The following FBLN1 variants were observed in gnomAD, a reference collection of about 807,000 sequenced individuals.
The protein encoded by FBLN1 is fibulin 1, also known as fibulin-1.
A neutral mutation model predicts 89.7 loss-of-function variants in FBLN1; 34 were observed. The ratio of observed to expected loss-of-function variants is 0.38; its 90% CI spans 0.29 to 0.50. FBLN1 has a LOEUF of 0.50. Among genes scored for constraint, FBLN1 ranks in the 20% least tolerant of loss-of-function variants. The probability of loss-of-function intolerance (pLI) is 0.92; values close to 1 mark genes in which losing one functional copy is unlikely to be tolerated. For synonymous variants in FBLN1, 393 were observed against 391.3 expected (o/e 1.00, Z -0.05); for missense variants, 777 against 988.1 (o/e 0.79, Z 2.86).
chr22:45,574,691 G>A lies in FBLN1; in HGVS notation c.1840+38G>A, dbSNP rs778718170. ...GGTGTGGGGGTCCCAGGGCCCCCTA[G>A]GGCCTCCCTCGGCTTCAGCTGAGGG... On this transcript the variant is annotated intron_variant, in intron 15 of 16. Coordinates refer to ENST00000327858, the MANE Select transcript of FBLN1 (RefSeq NM_006486.3). This position sits in a 1 kb window ranked among gnomAD's most constrained non-coding sequence, Gnocchi z 4.1. The A allele has an allele frequency of 6.2e-7, 1 of 1,601,088 alleles. No homozygotes were observed. Among genetic ancestry groups the A allele is most frequent in the Non-Finnish European group, 8.5e-7 (1 of 1,173,420 alleles).
chr22:45,554,250 A>G (rs1474731184), intron 14 of FBLN1, among the ~76,000 whole-genome samples: 1 of 152,206 alleles, frequency 6.6e-6, no homozygotes, highest in Non-Finnish European at 1.5e-5. Flanking sequence ...ACCCGGAAGC[A>G]CAGCTCATGG....
In FBLN1 at chr22:45,547,184, T is replaced by C. The variant is rs764463728; in HGVS notation, c.1421T>C (p.Val474Ala). ...YCRRGYQLSD[V>A]DGVTCEDIDE... ...CGGCGAGGCTACCAGCTCAGCGATG[T>C]GGATGGAGTCACCTGTGAAGGTGCG... Residue 474 changes from valine to alanine, a missense_variant, in exon 12 of 17, where the codon GTG becomes GCG. Physicochemically the swap from Val to Ala is moderately conservative, Grantham distance 64. Coordinates refer to ENST00000327858, the MANE Select transcript of FBLN1 (RefSeq NM_006486.3). The C allele has an allele frequency of 1.2e-6, 2 of 1,614,052 alleles. No individual in the cohort carries two copies. Among genetic ancestry groups the C allele is most frequent in the South Asian group, 2.2e-5 (2 of 91,086 alleles).
intron 16 of FBLN1, among the ~76,000 whole-genome samples, chr22:45,585,505 C>T (rs3788660): frequency 0.36 from 54,572 of 152,152 alleles, 11,698 homozygotes; most frequent in Admixed American, 0.52. Context: ...ACAGCGCGGC[C>T]GTCCCTGCCC....
At chr22:45,582,049 C>T (rs970657800) in intron 16 of FBLN1, among the ~76,000 whole-genome samples, 9 of 152,256 alleles carry the variant, frequency 5.9e-5, no homozygotes, top group East Asian at 1.9e-4. Flanking sequence ...CTTGAGGTTG[C>T]GGTTGAGGTT....
chr22:45,574,292 G>A lies in FBLN1; in HGVS notation c.1698-219G>A, dbSNP rs2088974988. 6.6e-6 allele frequency among the ~76,000 whole-genome samples: 1 copy of A among 152,206 alleles called. No individual in the cohort carries two copies. The highest frequency in any genetic ancestry group is 2.4e-5 in the African/African-American group (1 of 41,456). On this transcript the variant is annotated intron_variant, in intron 14 of 16. Coordinates refer to ENST00000327858, the MANE Select transcript of FBLN1 (RefSeq NM_006486.3). This position sits in a 1 kb window ranked among gnomAD's most constrained non-coding sequence, Gnocchi z 4.1. ...CCAGGGCACATGGAAGCTGGAGGGTGTTGCTGGCATTTAGGTCCCGGTCCA... is the reference window on the plus strand; with the variant it reads ...CCAGGGCACATGGAAGCTGGAGGGTATTGCTGGCATTTAGGTCCCGGTCCA...
intron 14 of FBLN1, among the ~76,000 whole-genome samples, chr22:45,553,460 G>A (rs1327121356): frequency 2.6e-5 from 4 of 152,224 alleles, no homozygotes; most frequent in Non-Finnish European, 5.9e-5. Context: ...CCCTGACCTA[G>A]ACACACTGGC....
At chr22:45,584,071 C>T (rs1396177390) in intron 16 of FBLN1, among the ~76,000 whole-genome samples, 1 of 152,138 alleles carries the variant, frequency 6.6e-6, no homozygotes, top group African/African-American at 2.4e-5. Flanking sequence ...CTGGGTCAAC[C>T]GCCTTAAGGA....
rs144662890 is a variant in FBLN1, at chr22:45,523,716, A to G, written c.186-1827A>G. ...AAGACTCCATCTCAAAAACAAAACAAAACAAAACAAAAAACAACAACAAAC... is the reference window on the plus strand; with the variant it reads ...AAGACTCCATCTCAAAAACAAAACAGAACAAAACAAAAAACAACAACAAAC... On this transcript the variant is annotated intron_variant, in intron 2 of 16. Coordinates refer to ENST00000327858, the MANE Select transcript of FBLN1 (RefSeq NM_006486.3). Among the ~76,000 whole-genome samples the G allele has an allele frequency of 3.7e-3, 558 of 152,284 alleles. 6 individuals carry two copies. Among genetic ancestry groups the G allele is most frequent in the African/African-American group, 0.013 (536 of 41,548 alleles).
At chr22:45,520,213 C>T (rs1302985264) in intron 2 of FBLN1, among the ~76,000 whole-genome samples, 3 of 152,186 alleles carry the variant, frequency 2.0e-5, no homozygotes, top group South Asian at 2.1e-4. Context: ...ATGAAATCAG[C>T]ACCACAAAGC....
chr22:45,503,208 G>C (rs2087971075), intron 1 of FBLN1, 144 bp downstream of exon 1: 3 of 388,442 alleles, frequency 7.7e-6, no homozygotes, highest in Non-Finnish European at 1.2e-5. Context: ...CCGAGGCCTC[G>C]GCGACGCCCC....
At chr22:45,553,039 G>A (rs773246464) in intron 14 of FBLN1, among the ~76,000 whole-genome samples, 16 of 152,194 alleles carry the variant, frequency 1.1e-4, no homozygotes, top group Non-Finnish European at 2.4e-4. Context: ...GGTGTAACAC[G>A]GTGGACGGTG....
chr22:45,531,373 G>T lies in FBLN1; in HGVS notation c.544+49G>T, dbSNP rs754443811. ...AGTTGGTATTTAAACAAACCCCAAG[G>T]GGCCAGCAAGGTGGCTCAGGCCTGT... On this transcript the variant is annotated intron_variant, in intron 5 of 16. Coordinates refer to ENST00000327858, the MANE Select transcript of FBLN1 (RefSeq NM_006486.3). This position sits in a 1 kb window ranked among gnomAD's most constrained non-coding sequence, Gnocchi z 4.9. 1.2e-5 allele frequency: 19 copies of T among 1,534,050 alleles called. No individual in the cohort carries two copies. Among genetic ancestry groups the T allele is most frequent in the Non-Finnish European group, 1.6e-5 (18 of 1,107,592 alleles).
rs2146671273 is a variant in FBLN1 at position 45,597,049 on chromosome 22, T to C, written c.1973-3258T>C. Among the ~76,000 whole-genome samples, 1 of 152,118 alleles carries C rather than the reference T, an allele frequency of 6.6e-6. No homozygotes were observed. Among genetic ancestry groups the C allele is most frequent in the South Asian group, 2.1e-4 (1 of 4,814 alleles). Reference sequence around the variant, plus strand: ...CAGGATCTTGCTCTGTCACCCAGGCTAGAATGCAGTGGCACAATCTTGGCT... The same window carrying C: ...CAGGATCTTGCTCTGTCACCCAGGCCAGAATGCAGTGGCACAATCTTGGCT... On this transcript the variant is annotated intron_variant, in intron 16 of 16. Coordinates refer to ENST00000327858, the MANE Select transcript of FBLN1 (RefSeq NM_006486.3). The surrounding 1 kb of genome is among the most constrained non-coding windows in gnomAD (Gnocchi z 4.2).
At chr22:45,523,025 A>G in intron 2 of FBLN1, 1 of 629,820 alleles carries the variant, frequency 1.6e-6, no homozygotes, top group South Asian at 2.0e-5. Flanking sequence ...GTAGGAAGGC[A>G]GGATGTGCCG....
rs988638773 is a variant in FBLN1, at chr22:45,580,386, C to T, written c.1972+3278C>T. On this transcript the variant is annotated intron_variant, in intron 16 of 16. Coordinates refer to ENST00000327858, the MANE Select transcript of FBLN1 (RefSeq NM_006486.3). The surrounding 1 kb of genome is among the most constrained non-coding windows in gnomAD (Gnocchi z 8.6). Reference sequence around the variant, plus strand: ...AACACCTGTCTGCTCTAGGCCATGCCCTGTGTGGACACTGGGCACCGGATC... The same window carrying T: ...AACACCTGTCTGCTCTAGGCCATGCTCTGTGTGGACACTGGGCACCGGATC... Among the ~76,000 whole-genome samples, 9 of 152,114 alleles carry T rather than the reference C, an allele frequency of 5.9e-5. No individual in the cohort carries two copies. The highest frequency in any genetic ancestry group is 8.8e-5 in the Non-Finnish European group (6 of 68,026).
chr22:45,509,545 G>A (rs927246858), intron 1 of FBLN1, among the ~76,000 whole-genome samples: 6 of 152,166 alleles, frequency 3.9e-5, no homozygotes, highest in Non-Finnish European at 7.3e-5. Context: ...GAGGGGACAC[G>A]AGTCTGTCCT....
At chr22:45,599,382 G>A (rs1402652643) in intron 16 of FBLN1, among the ~76,000 whole-genome samples, 1 of 152,190 alleles carries the variant, frequency 6.6e-6, no homozygotes, top group Non-Finnish European at 1.5e-5. Context: ...GAGCTCAGGT[G>A]TCAGCCTCCA....
At chr22:45,506,449 A>G (rs150977005) in intron 1 of FBLN1, among the ~76,000 whole-genome samples, 183 of 152,340 alleles carry the variant, frequency 1.2e-3, no homozygotes, top group African/African-American at 4.3e-3. Context: ...GTGGCAGGAA[A>G]GGAGAGAGAC....
In FBLN1 at chr22:45,544,845, G is replaced by A. The variant is rs182694017; in HGVS notation, c.1321+1319G>A. On this transcript the variant is annotated intron_variant, in intron 11 of 16. Coordinates refer to ENST00000327858, the MANE Select transcript of FBLN1 (RefSeq NM_006486.3). Reference sequence around the variant, plus strand: ...GATGGGAAGGTCACATGAACTGCATGTCAGCCCAGGGCCTGGCACATACTA... The same window carrying A: ...GATGGGAAGGTCACATGAACTGCATATCAGCCCAGGGCCTGGCACATACTA... Among the ~76,000 whole-genome samples, 26 of 152,274 alleles carry A rather than the reference G, an allele frequency of 1.7e-4. No individual in the cohort carries two copies. In the East Asian group the frequency reaches 4.4e-3, roughly 26 times the overall value.
Sources: gnomAD v4.1 joint callset for allele counts (sites outside exome capture counted in the v4.1 genomes callset) on GRCh38, gnomAD v4.1.1 for gene constraint, Gnocchi (gnomAD v3.1) non-coding constraint, MANE v1.5 for transcripts, NCBI Gene and HGNC (gene_info 2026-07-23, HGNC 2026-07-21) for gene names.